The following KCNIP4 variants were observed in gnomAD, a reference collection of about 807,000 sequenced individuals.
The protein encoded by KCNIP4 is Kv channel-interacting protein 4.
KCNIP4 carries 12 observed loss-of-function variants against 34.0 expected under a neutral mutation model. That is an observed-to-expected ratio of 0.35 (90% CI 0.23 to 0.57). The LOEUF (loss-of-function observed/expected upper bound fraction) is 0.57, where lower values mean the gene tolerates loss of function less well. Among genes scored for constraint, KCNIP4 ranks in the 20% least tolerant of loss-of-function variants. The pLI, the probability that KCNIP4 is intolerant of heterozygous loss-of-function variation, is 0.83. For synonymous variants in KCNIP4, 124 were observed against 102.2 expected (o/e 1.21, Z -1.29); for missense variants, 238 against 311.7 (o/e 0.76, Z 1.78).
Position 21,413,165 on chromosome 4 carries a change from G to C in KCNIP4, c.62-530456C>G, listed in dbSNP as rs1724654987. On this transcript the variant is annotated intron_variant, in intron 1 of 8. Coordinates refer to ENST00000382152, the MANE Select transcript of KCNIP4 (RefSeq NM_025221.6). ...TATTTTTATTTGGTTGTTAGGGGGA[G>C]GCTATCTCTTGATGTAGACAAAGTG... 2.6e-5 allele frequency among the ~76,000 whole-genome samples: 4 copies of C among 152,284 alleles called. No individual in the cohort carries two copies. The South Asian group carries it at 8.3e-4, about 32-fold the overall frequency.
intron 1 of KCNIP4, among the ~76,000 whole-genome samples, chr4:21,884,391 G>A (rs372855428): frequency 6.6e-5 from 10 of 152,144 alleles, no homozygotes; most frequent in South Asian, 4.1e-4. Flanking sequence ...CAATGGAGCC[G>A]TTGTCGTTAG....
chr4:21,715,224 C>T (rs1277310044), intron 1 of KCNIP4, among the ~76,000 whole-genome samples: 1 of 151,400 alleles, frequency 6.6e-6, no homozygotes, highest in Non-Finnish European at 1.5e-5. Flanking sequence ...GGGACTACAC[C>T]AGGTTCACGC....
chr4:20,748,560 TTATA>T (rs3075750), intron 5 of KCNIP4, among the ~76,000 whole-genome samples: 3,755 of 63,484 alleles, frequency 0.059, 67 homozygotes, highest in Middle Eastern at 0.073. Context: ...CTTCCAAATT[TTATA>T]TATATATATA....
chr4:21,456,373 G>A (rs1030864730), intron 1 of KCNIP4, among the ~76,000 whole-genome samples: 2 of 147,786 alleles, frequency 1.4e-5, no homozygotes, highest in Non-Finnish European at 3.0e-5. Flanking sequence ...TCACTATATT[G>A]AGGCAACTCT....
intron 1 of KCNIP4, among the ~76,000 whole-genome samples, chr4:21,842,330 C>T (rs1014820443): frequency 6.6e-6 from 1 of 151,962 alleles, no homozygotes; most frequent in Admixed American, 6.6e-5. Context: ...TTTTAGAGCT[C>T]CAATGAGATG....
At chr4:21,758,062 C>T (rs180844402) in intron 1 of KCNIP4, among the ~76,000 whole-genome samples, 3 of 152,208 alleles carry the variant, frequency 2.0e-5, no homozygotes, top group South Asian at 4.1e-4. Flanking sequence ...TTAGAAAATG[C>T]ATACTTACTG....
chr4:21,669,210 C>T (rs1167521356), intron 1 of KCNIP4, among the ~76,000 whole-genome samples: 5 of 150,052 alleles, frequency 3.3e-5, no homozygotes, highest in Non-Finnish European at 5.9e-5. Flanking sequence ...GCTGCAGCCT[C>T]GACCTCCCGA....
At chr4:21,663,731 T>C (rs1748624851) in intron 1 of KCNIP4, among the ~76,000 whole-genome samples, 1 of 152,176 alleles carries the variant, frequency 6.6e-6, no homozygotes, top group South Asian at 2.1e-4. Context: ...TGGGACATCC[T>C]TTCAGCAAGT....
intron 1 of KCNIP4, among the ~76,000 whole-genome samples, chr4:21,301,607 T>A (rs563401307): frequency 6.6e-6 from 1 of 152,214 alleles, no homozygotes; most frequent in Admixed American, 6.5e-5. Flanking sequence ...CGAAAAGAAA[T>A]CGGAATGAAA....
chr4:21,871,465 TA>T (rs957629297), intron 1 of KCNIP4, among the ~76,000 whole-genome samples: 1 of 151,682 alleles, frequency 6.6e-6, no homozygotes, highest in Non-Finnish European at 1.5e-5. Flanking sequence ...TGCAGCCATA[TA>T]AAAGGATGAG....
chr4:21,426,583 T>TA (rs1725946941), intron 1 of KCNIP4, among the ~76,000 whole-genome samples: 1 of 152,124 alleles, frequency 6.6e-6, no homozygotes, highest in African/African-American at 2.4e-5. Context: ...TTCCGAGGAG[T>TA]ATGTAAACAT....
chr4:21,245,778 C>T (rs1286718259), intron 1 of KCNIP4, among the ~76,000 whole-genome samples: 1 of 152,076 alleles, frequency 6.6e-6, no homozygotes, highest in Non-Finnish European at 1.5e-5. Context: ...TCGCTAACAA[C>T]AAAAGCTTTA....
At chr4:21,690,658 T>C (rs932575034) in intron 1 of KCNIP4, among the ~76,000 whole-genome samples, 4 of 152,184 alleles carry the variant, frequency 2.6e-5, no homozygotes, top group Non-Finnish European at 5.9e-5. Flanking sequence ...CAAGTAAATA[T>C]TTTTTCTTTA....
chr4:21,473,894 A>T (rs1481344662), intron 1 of KCNIP4, among the ~76,000 whole-genome samples: 5 of 151,860 alleles, frequency 3.3e-5, no homozygotes, highest in African/African-American at 1.2e-4. Context: ...TTGTATTTTT[A>T]GTAGGGATCA....
At chr4:20,768,122 C>G (rs1480338836) in intron 3 of KCNIP4, among the ~76,000 whole-genome samples, 1 of 152,192 alleles carries the variant, frequency 6.6e-6, no homozygotes, top group African/African-American at 2.4e-5. Context: ...GACTTCTCTG[C>G]TCTCTTTAGA....
At chr4:20,732,914 C>CA in intron 6 of KCNIP4, 129 bp from the exon 7 acceptor site, 1 of 601,380 alleles carries the variant, frequency 1.7e-6, no homozygotes, top group South Asian at 2.1e-5. Context: ...CTTTGTTAGA[C>CA]GACTGTTGGT....
chr4:20,730,204 T>A, intron 8 of KCNIP4, 75 bp from the exon 9 acceptor site: 1 of 1,496,054 alleles, frequency 6.7e-7, no homozygotes, highest in East Asian at 2.4e-5. Context: ...CCCCTGAGTA[T>A]TGCCTCCTCC....
At chr4:21,696,294 G>A (rs116967337) in intron 1 of KCNIP4, among the ~76,000 whole-genome samples, 1,614 of 151,858 alleles carry the variant, frequency 0.011, 83 homozygotes, top group Admixed American at 0.09. Flanking sequence ...TAGGTAAAAT[G>A]TTGCTCAAAT....
chr4:21,662,390 T>C (rs1167974671), intron 1 of KCNIP4, among the ~76,000 whole-genome samples: 1 of 152,226 alleles, frequency 6.6e-6, no homozygotes, highest in Non-Finnish European at 1.5e-5. Context: ...CCAATACATA[T>C]CACAGAATAA....
Sources: allele counts gnomAD v4.1 joint callset (sites outside exome capture counted in the v4.1 genomes callset), GRCh38; gene constraint gnomAD v4.1.1; transcripts MANE v1.5; gene names NCBI Gene and HGNC (gene_info 2026-07-23, HGNC 2026-07-21).